The following RORA variants were observed in gnomAD, a reference collection of about 807,000 sequenced individuals.
RORA encodes RAR related orphan receptor A.
RORA carries 7 observed loss-of-function variants against 69.5 expected under a neutral mutation model. The observed-to-expected ratio is 0.10, with a 90% CI of 0.06 to 0.19. The LOEUF is 0.19. RORA is among the 10% of genes least tolerant of loss of function. The probability of loss-of-function intolerance (pLI) is 1.00; values close to 1 mark genes in which losing one functional copy is unlikely to be tolerated. For missense variants in RORA, 457 were observed against 663.0 expected (o/e 0.69, Z 3.41); for synonymous variants, 261 against 240.8 (o/e 1.08, Z -0.78).
chr15:61,000,499 C>G (rs556219524), intron 1 of RORA, among the ~76,000 whole-genome samples: 13 of 152,082 alleles, frequency 8.5e-5, no homozygotes, highest in Admixed American at 6.6e-4. Context: ...GCAAGGAGAT[C>G]CTTGTCCAGG....
chr15:60,854,154 T>C (rs2073356207), intron 1 of RORA, among the ~76,000 whole-genome samples: 1 of 151,932 alleles, frequency 6.6e-6, no homozygotes. Context: ...CCCAGCTACT[T>C]GGGAGGCTGA....
intron 1 of RORA, among the ~76,000 whole-genome samples, chr15:61,223,108 GT>G (rs2080114221): frequency 6.6e-6 from 1 of 152,022 alleles, no homozygotes; most frequent in South Asian, 2.1e-4. Flanking sequence ...AAGCTCAGGA[GT>G]TTGAAACCAG....
Position 60,748,324 on chromosome 15 carries a change from A to C in RORA, c.167-69638T>G, listed in dbSNP as rs747995437. On this transcript the variant is annotated intron_variant, in intron 1 of 10. Coordinates refer to ENST00000335670, the MANE Select transcript of RORA (RefSeq NM_134261.3). ...TATAATTAGCGAAAAAAAAAAAAAA[A>C]ACACACACACATAAGGAGACATAAA... Among the ~76,000 whole-genome samples, 105 of 85,786 alleles carry C rather than the reference A, an allele frequency of 1.2e-3. 2 individuals are homozygous for C. Among genetic ancestry groups the C allele is most frequent in the Non-Finnish European group, 2.6e-3 (87 of 33,916 alleles). The allele number at this position is 85,786 out of a possible 152,430, so 56.3% of individuals were successfully genotyped here.
Position 60,967,485 on chromosome 15 carries a change from G to A in RORA, c.166+261568C>T, listed in dbSNP as rs546943255. Among the ~76,000 whole-genome samples the A allele has an allele frequency of 1.6e-4, 24 of 152,270 alleles. No individual in the cohort carries two copies. The South Asian group carries it at 4.8e-3, about 30-fold the overall frequency. ...CTGGTTATGTCTATCATTATGACGT[G>A]CTCCTCTCCATCCAAAATGACTGAC... is the stretch of plus-strand genomic sequence containing the variant. On this transcript the variant is annotated intron_variant, in intron 1 of 10. Transcript: ENST00000335670.
intron 2 of RORA, among the ~76,000 whole-genome samples, chr15:60,644,330 C>G (rs1167798532): frequency 6.6e-6 from 1 of 152,170 alleles, no homozygotes; most frequent in East Asian, 1.9e-4. Context: ...GCAACAAGAA[C>G]TTCTTGTGAA....
At chr15:60,636,451 C>T (rs1169727115) in intron 2 of RORA, among the ~76,000 whole-genome samples, 2 of 152,026 alleles carry the variant, frequency 1.3e-5, no homozygotes, top group Non-Finnish European at 2.9e-5. Context: ...CGAATCCCCG[C>T]CCCCCAAAAT....
intron 1 of RORA, among the ~76,000 whole-genome samples, chr15:61,073,001 T>C (rs1409761690): frequency 2.0e-5 from 3 of 152,232 alleles, no homozygotes; most frequent in Non-Finnish European, 4.4e-5. Flanking sequence ...CCTAAGGTAG[T>C]TTTGCACCAA....
chr15:60,723,508 A>G (rs967886473), intron 1 of RORA, among the ~76,000 whole-genome samples: 2 of 152,262 alleles, frequency 1.3e-5, no homozygotes, highest in South Asian at 2.1e-4. Context: ...AAGTTAAACT[A>G]GTTGAGTACT....
At chr15:60,753,449 G>A (rs941645359) in intron 1 of RORA, among the ~76,000 whole-genome samples, 4 of 152,198 alleles carry the variant, frequency 2.6e-5, no homozygotes, top group African/African-American at 4.8e-5. Context: ...ATGTCCTAGC[G>A]GAACAGGGAA....
chr15:61,127,905 A>C (rs898742861), intron 1 of RORA, among the ~76,000 whole-genome samples: 5 of 152,088 alleles, frequency 3.3e-5, no homozygotes, highest in Non-Finnish European at 5.9e-5. Context: ...CCGGACCCCC[A>C]CAGTTTCTTT....
chr15:60,576,325 C>T (rs556581629), intron 2 of RORA, among the ~76,000 whole-genome samples: 10 of 152,284 alleles, frequency 6.6e-5, no homozygotes, highest in African/African-American at 2.4e-4. Flanking sequence ...AGAAGCAAGA[C>T]CCTGGAAATG....
intron 1 of RORA, among the ~76,000 whole-genome samples, chr15:60,693,359 A>G (rs1247733254): frequency 6.6e-6 from 1 of 152,232 alleles, no homozygotes; most frequent in East Asian, 1.9e-4. Context: ...AATGGGCAAA[A>G]GCTGGAAGCA....
chr15:61,124,062 C>T (rs894450739), intron 1 of RORA, among the ~76,000 whole-genome samples: 6 of 152,172 alleles, frequency 3.9e-5, no homozygotes, highest in South Asian at 2.1e-4. Flanking sequence ...GTTCCTTACC[C>T]GCCAGCACCT....
chr15:61,201,912 C>T (rs1408680266), intron 1 of RORA, among the ~76,000 whole-genome samples: 1 of 151,332 alleles, frequency 6.6e-6, no homozygotes, highest in Non-Finnish European at 1.5e-5. Flanking sequence ...ACATTACAAG[C>T]GAAATCGAAC....
At chr15:60,892,216 C>A (rs1046948409) in intron 1 of RORA, among the ~76,000 whole-genome samples, 1 of 152,164 alleles carries the variant, frequency 6.6e-6, no homozygotes, top group Non-Finnish European at 1.5e-5. Context: ...AAATGTCTTG[C>A]CCAGTGTTAC....
At position 60,595,523 on chromosome 15, in the gene RORA, A is replaced by G. The variant is rs182109918; in HGVS notation, c.197-63672T>C. The stretch of plus-strand genomic sequence containing the variant: ...GAGCAATAATCTGTCTCAAGGAAAA[A>G]AAAAAATACAATCAAGTAGAAATAC... On this transcript the variant is annotated intron_variant, in intron 2 of 10. Coordinates refer to ENST00000335670, the MANE Select transcript of RORA (RefSeq NM_134261.3). Among the ~76,000 whole-genome samples the G allele has an allele frequency of 3.3e-5, 5 of 152,188 alleles. No homozygotes were observed. In the South Asian group the frequency reaches 6.2e-4, roughly 19 times the overall value.
intron 2 of RORA, among the ~76,000 whole-genome samples, chr15:60,605,845 C>G (rs1246954551): frequency 6.6e-6 from 1 of 152,154 alleles, no homozygotes. Context: ...TCATTAGGAA[C>G]CTGACAACAG....
intron 1 of RORA, among the ~76,000 whole-genome samples, chr15:61,008,136 A>C (rs1894972307): frequency 6.6e-6 from 1 of 152,134 alleles, no homozygotes; most frequent in South Asian, 2.1e-4. Flanking sequence ...TATGATAAAA[A>C]AAATTTAAAT....
chr15:60,548,297 T>C lies in RORA; in HGVS notation c.197-16446A>G, dbSNP rs935409768. Among the ~76,000 whole-genome samples, 8 of 152,156 alleles carry C rather than the reference T, an allele frequency of 5.3e-5. 1 individual carries two copies. The highest frequency in any genetic ancestry group is 1.9e-4 in the African/African-American group (8 of 41,432). On this transcript the variant is annotated intron_variant, in intron 2 of 10. Transcript: ENST00000335670. ...GAAATGAAAACACTCAGTGAGCACA[T>C]AGCATTGGGTTGTCATTAATGTCAG...
Sources: gnomAD v4.1 joint callset for allele counts (sites outside exome capture counted in the v4.1 genomes callset) on GRCh38, gnomAD v4.1.1 for gene constraint, MANE v1.5 for transcripts, NCBI Gene and HGNC (gene_info 2026-07-23, HGNC 2026-07-21) for gene names.